The following NME5 variants were observed in gnomAD, a reference collection of about 807,000 sequenced individuals.
The protein encoded by NME5 is nucleoside diphosphate kinase 5.
A neutral mutation model predicts 21.6 loss-of-function variants in NME5; 18 were observed. The observed-to-expected ratio is 0.83, with a 90% CI of 0.58 to 1.24. NME5 has a LOEUF of 1.24. Ranked by LOEUF, NME5 falls within the 50% of genes most tolerant of loss-of-function variation. The pLI is 0.00. For synonymous variants in NME5, 70 were observed against 80.6 expected, an observed-to-expected ratio of 0.87 and a Z score of 0.71; for missense variants, 223 against 255.4, an observed-to-expected ratio of 0.87 and a Z score of 0.86.
intron 1 of NME5, 22 bp from the exon 2 acceptor site, chr5:138,138,807 A>G (rs1325221385): frequency 1.3e-6 from 2 of 1,593,352 alleles, no homozygotes; most frequent in South Asian, 1.1e-5. Flanking sequence ...ACAAATTAAG[A>G]GTTTCTTAAC....
Position 138,115,542 on chromosome 5 carries a change from T to A in NME5, c.*139A>T. 2.0e-6 allele frequency: 1 copy of A among 501,702 alleles called. No individual in the cohort carries two copies. Among genetic ancestry groups the A allele is most frequent in the Non-Finnish European group, 3.4e-6 (1 of 291,472 alleles). The allele number at this position is 501,702 out of a possible 1,614,324, so 31.1% of individuals were successfully genotyped here. On this transcript the variant is annotated 3_prime_UTR_variant, in exon 6 of 6. Transcript: ENST00000265191. ...GTTATCTGCTTCATAGAATAGTTATTCCTTTAACACTTATTTTTAAGAAAT... is the reference window on the plus strand; with the variant it reads ...GTTATCTGCTTCATAGAATAGTTATACCTTTAACACTTATTTTTAAGAAAT...
chr5:138,129,813 C>T (rs1023256827), intron 2 of NME5, among the ~76,000 whole-genome samples: 3 of 152,080 alleles, frequency 2.0e-5, no homozygotes, highest in African/African-American at 7.2e-5. Flanking sequence ...AAAAAATTAG[C>T]CGGGCGGGCG....
At chr5:138,118,976 G>T in intron 4 of NME5, 40 bp from the exon 5 acceptor site, 3 of 1,128,552 alleles carry the variant, frequency 2.7e-6, no homozygotes, top group Non-Finnish European at 4.0e-6. Flanking sequence ...CAAACATAAT[G>T]ATTAAATACT....
intron 4 of NME5, among the ~76,000 whole-genome samples, chr5:138,120,140 C>T (rs532904623): frequency 6.0e-5 from 9 of 151,012 alleles, no homozygotes; most frequent in Admixed American, 1.3e-4. Context: ...GTGTCACTCA[C>T]GCTGGTCTCA....
Position 138,118,802 on chromosome 5 carries a change from T to A in NME5, c.555+16A>T, listed in dbSNP as rs760573982. ...TGGTGACAATATTCTTAAGTGTGAA[T>A]AAAAATATTTCTTACCAAAGGATCT... On this transcript the variant is annotated intron_variant, in intron 5 of 5. Transcript: ENST00000265191. 5.2e-6 allele frequency: 8 copies of A among 1,526,772 alleles called. No individual in the cohort carries two copies. The South Asian group carries it at 9.0e-5, about 17-fold the overall frequency. The allele number at this position is 1,526,772 out of a possible 1,614,324, so 94.6% of individuals were successfully genotyped here.
chr5:138,125,826 C>A (rs548635106), intron 4 of NME5, among the ~76,000 whole-genome samples: 1 of 152,266 alleles, frequency 6.6e-6, no homozygotes, highest in South Asian at 2.1e-4. Flanking sequence ...GCTGGCCAGG[C>A]TGGTCTTGAA....
At chr5:138,120,745 T>C (rs1751269452) in intron 4 of NME5, among the ~76,000 whole-genome samples, 1 of 152,208 alleles carries the variant, frequency 6.6e-6, no homozygotes, top group Non-Finnish European at 1.5e-5. Flanking sequence ...TTTTTGTGTA[T>C]GCTATGAAAC....
At chr5:138,133,278 T>C (rs1173852952) in intron 2 of NME5, among the ~76,000 whole-genome samples, 2 of 151,984 alleles carry the variant, frequency 1.3e-5, no homozygotes, top group African/African-American at 4.8e-5. Context: ...TTTTTTTTTT[T>C]TGTATTTTTA....
At chr5:138,134,757 G>A (rs1581387223) in intron 2 of NME5, among the ~76,000 whole-genome samples, 1 of 145,392 alleles carries the variant, frequency 6.9e-6, no homozygotes, top group Non-Finnish European at 1.5e-5. Context: ...ACGGAGTCTC[G>A]CTCTGTCACC....
At chr5:138,128,396 T>G (rs1751481921) in intron 4 of NME5, 83 bp downstream of exon 4, 1 of 1,028,292 alleles carries the variant, frequency 9.7e-7, no homozygotes, top group Admixed American at 2.5e-5. Flanking sequence ...TATTTTATCT[T>G]CCTTCCCAGC....
chr5:138,117,092 C>G (rs1751173714), intron 5 of NME5, among the ~76,000 whole-genome samples: 1 of 150,554 alleles, frequency 6.6e-6, no homozygotes, highest in Non-Finnish European at 1.5e-5. Flanking sequence ...TCCTGTGGTC[C>G]CAGCTACTTG....
chr5:138,125,004 C>T (rs1413201400), intron 4 of NME5, among the ~76,000 whole-genome samples: 1 of 152,142 alleles, frequency 6.6e-6, no homozygotes, highest in Admixed American at 6.5e-5. Context: ...GCTCAAACAG[C>T]CTTAACCTCC....
intron 4 of NME5, among the ~76,000 whole-genome samples, chr5:138,120,334 C>T (rs1405155456): frequency 6.7e-6 from 1 of 148,998 alleles, no homozygotes; most frequent in African/African-American, 2.5e-5. Context: ...CCTGGGTTCA[C>T]GCCATTCTCC....
intron 3 of NME5, 61 bp from the exon 4 acceptor site, chr5:138,128,640 A>G (rs1366740274): frequency 2.7e-6 from 3 of 1,105,594 alleles, no homozygotes; most frequent in Non-Finnish European, 4.0e-6. Context: ...CTTTATATGC[A>G]TGCATTCCAC....
At chr5:138,123,689 G>C (rs1751335935) in intron 4 of NME5, among the ~76,000 whole-genome samples, 1 of 152,016 alleles carries the variant, frequency 6.6e-6, no homozygotes, top group South Asian at 2.1e-4. Context: ...GTGGTTCATT[G>C]GTGCAGGTAT....
chr5:138,135,440 T>C (rs1241086243), intron 2 of NME5, among the ~76,000 whole-genome samples: 40 of 151,594 alleles, frequency 2.6e-4, no homozygotes, highest in African/African-American at 9.2e-4. Context: ...GTTCACGCCA[T>C]TCTCCTGCCC....
intron 2 of NME5, 37 bp downstream of exon 2, chr5:138,138,615 G>A (rs747829230): frequency 1.9e-6 from 3 of 1,583,118 alleles, no homozygotes; most frequent in African/African-American, 2.7e-5. Context: ...TAAGGGCAGA[G>A]AGGAAAAAAG....
At chr5:138,119,403 G>A (rs1284123309) in intron 4 of NME5, among the ~76,000 whole-genome samples, 6 of 151,658 alleles carry the variant, frequency 4.0e-5, no homozygotes, top group East Asian at 1.9e-4. Context: ...TCACCATGTC[G>A]GCCAGGCTGG....
intron 2 of NME5, among the ~76,000 whole-genome samples, chr5:138,136,385 CT>C (rs1051756187): frequency 6.6e-6 from 1 of 152,138 alleles, no homozygotes; most frequent in Non-Finnish European, 1.5e-5. Flanking sequence ...TTTTAACTTG[CT>C]TTTTTTCCCA....
Sources: allele counts gnomAD v4.1 joint callset (sites outside exome capture counted in the v4.1 genomes callset), GRCh38; gene constraint gnomAD v4.1.1; transcripts MANE v1.5; gene names NCBI Gene and HGNC (gene_info 2026-07-23, HGNC 2026-07-21).